The following ARHGAP32 variants were observed in gnomAD, a reference collection of about 807,000 sequenced individuals.
ARHGAP32 encodes rho GTPase-activating protein 32.
In ARHGAP32, 51 loss-of-function variants were observed where a neutral mutation model predicts 186.5. That is an observed-to-expected ratio of 0.27 (90% CI 0.22 to 0.35). The LOEUF (loss-of-function observed/expected upper bound fraction) is 0.35, where lower values mean the gene tolerates loss of function less well. ARHGAP32 is among the 10% of genes least tolerant of loss of function. The probability of loss-of-function intolerance (pLI) is 1.00; values close to 1 mark genes in which losing one functional copy is unlikely to be tolerated. For missense variants in ARHGAP32, 2,186 were observed against 2,623.5 expected (o/e 0.83, Z 3.64); for synonymous variants, 950 against 964.3 (o/e 0.99, Z 0.27).
At chr11:129,038,263 T>C (rs1027268391) in intron 11 of ARHGAP32, among the ~76,000 whole-genome samples, 16 of 151,980 alleles carry the variant, frequency 1.1e-4, no homozygotes, top group African/African-American at 3.6e-4. Flanking sequence ...GCTAGAACAA[T>C]TGGATAACCT....
intron 1 of ARHGAP32, among the ~76,000 whole-genome samples, chr11:129,181,086 C>CT (rs1944044747): frequency 6.6e-6 from 1 of 152,136 alleles, no homozygotes. Context: ...CCAGGAATAT[C>CT]TTTTCTTCAT....
At chr11:129,212,778 T>C (rs1407082687) in intron 1 of ARHGAP32, among the ~76,000 whole-genome samples, 1 of 152,196 alleles carries the variant, frequency 6.6e-6, no homozygotes, top group Non-Finnish European at 1.5e-5. Context: ...AATTTGATCA[T>C]TAAACATTGT....
intron 2 of ARHGAP32, among the ~76,000 whole-genome samples, chr11:129,141,404 T>C (rs1246044308): frequency 2.0e-5 from 3 of 152,010 alleles, no homozygotes; most frequent in African/African-American, 4.8e-5. Context: ...TTCTCACTTA[T>C]AGGTGGGAAT....
intron 2 of ARHGAP32, among the ~76,000 whole-genome samples, chr11:129,157,283 G>GGCTA (rs1943430270): frequency 6.6e-6 from 1 of 151,952 alleles, no homozygotes; most frequent in South Asian, 2.1e-4. Flanking sequence ...AACTCCTCCA[G>GGCTA]GCTAAAGGAG....
chr11:129,055,633 C>G (rs887675627), intron 10 of ARHGAP32, among the ~76,000 whole-genome samples: 1 of 152,112 alleles, frequency 6.6e-6, no homozygotes, highest in African/African-American at 2.4e-5. Flanking sequence ...GAGAAAGACA[C>G]AGAGGAACCT....
At chr11:129,196,297 G>A (rs1944389245), upstream of ARHGAP32, among the ~76,000 whole-genome samples, 1 of 152,056 alleles carries the variant, frequency 6.6e-6, no homozygotes, top group Non-Finnish European at 1.5e-5. Flanking sequence ...TCAACCTCTT[G>A]GTTGAATCAA....
At chr11:129,192,418 C>T (rs764270666), upstream of ARHGAP32, among the ~76,000 whole-genome samples, 71 of 152,150 alleles carry the variant, frequency 4.7e-4, no homozygotes, top group Non-Finnish European at 4.3e-4. Flanking sequence ...TAGACCCTCC[C>T]ACTGCCTTAG....
chr11:129,257,190 G>A (rs1945265281), intron 1 of ARHGAP32, among the ~76,000 whole-genome samples: 1 of 152,072 alleles, frequency 6.6e-6, no homozygotes, highest in South Asian at 2.1e-4. Flanking sequence ...AGACAAGTAG[G>A]AAAAATCTGC....
At chr11:129,005,637 C>T (rs1233857793) in intron 11 of ARHGAP32, among the ~76,000 whole-genome samples, 1 of 152,112 alleles carries the variant, frequency 6.6e-6, no homozygotes, top group African/African-American at 2.4e-5. Context: ...TACTGGAGCT[C>T]CATTGTATGT....
intron 5 of ARHGAP32, among the ~76,000 whole-genome samples, chr11:129,109,133 G>C (rs928070691): frequency 6.6e-6 from 1 of 152,044 alleles, no homozygotes; most frequent in Non-Finnish European, 1.5e-5. Flanking sequence ...GATCCCACAT[G>C]TAAGTGAGAA....
chr11:129,141,369 G>A (rs1037560479), intron 2 of ARHGAP32, among the ~76,000 whole-genome samples: 1 of 152,056 alleles, frequency 6.6e-6, no homozygotes, highest in African/African-American at 2.4e-5. Flanking sequence ...ACTATTGCAA[G>A]GGACAGAAAA....
chr11:128,987,575 CTG>C (rs1945911062), intron 13 of ARHGAP32, among the ~76,000 whole-genome samples: 1 of 152,154 alleles, frequency 6.6e-6, no homozygotes. Context: ...GAGTTTGTCA[CTG>C]TTTTTGTCTC....
chr11:128,969,870 C>T lies in ARHGAP32; in HGVS notation c.5343G>A (p.Gly1781=), dbSNP rs375565239. 2 of 1,614,080 alleles carry T rather than the reference C, an allele frequency of 1.2e-6. No individual in the cohort carries two copies. Among genetic ancestry groups the T allele is most frequent in the Admixed American group, 1.7e-5 (1 of 60,010 alleles). The change falls in exon 23 of 23, where the codon GGG becomes GGA. Residue 1781 remains glycine (G), a synonymous_variant. Coordinates refer to ENST00000682385, the MANE Select transcript of ARHGAP32 (RefSeq NM_001378024.1). The surrounding 1 kb of genome is among the most constrained non-coding windows in gnomAD (Gnocchi z 4.8). Reference sequence around the variant, plus strand: ...TGTTATCATATTGGGACATGACAGGCCCTTTCACCTTCTGCCGAGCACGGC... The same window carrying T: ...TGTTATCATATTGGGACATGACAGGTCCTTTCACCTTCTGCCGAGCACGGC... The part of the protein sequence containing the change: ...RESRARQKVK[G]PVMSQYDNMT...
chr11:129,225,220 A>G (rs1278676579), intron 1 of ARHGAP32, among the ~76,000 whole-genome samples: 1 of 152,218 alleles, frequency 6.6e-6, no homozygotes, highest in African/African-American at 2.4e-5. Flanking sequence ...GAAAAAACTG[A>G]GAAGTAAGAT....
chr11:129,042,449 C>A (rs903533304), intron 10 of ARHGAP32, among the ~76,000 whole-genome samples: 4 of 152,176 alleles, frequency 2.6e-5, no homozygotes, highest in Non-Finnish European at 5.9e-5. Flanking sequence ...TGGTGAAATT[C>A]TTTAATATAT....
In ARHGAP32 at chr11:128,980,563, G is replaced by C; in HGVS notation, c.1966C>G (p.Pro656Ala). The C allele has an allele frequency of 6.2e-7, 1 of 1,604,390 alleles. No individual in the cohort carries two copies. The highest frequency in any genetic ancestry group is 2.2e-5 in the East Asian group (1 of 44,550). ...TTTAACAAATTTTACCTTTCAAGTG[G>C]GAACTCAATTATGGTATGAAATTTC... The part of the protein sequence containing the change: ...QGKFHTIIEF[P>A]LERKRPQNKM... The change falls in exon 18 of 23, where the codon CCA becomes GCA. Residue 656 changes from proline to alanine, a missense_variant. Physicochemically the swap from Pro to Ala is conservative, Grantham distance 27. This residue lies in a region of ARHGAP32 where 263 missense variants were observed against 323.5 expected (regional missense o/e 0.81). Coordinates refer to ENST00000682385, the MANE Select transcript of ARHGAP32 (RefSeq NM_001378024.1).
At chr11:129,263,249 A>G (rs528099220) in intron 1 of ARHGAP32, among the ~76,000 whole-genome samples, 2 of 152,316 alleles carry the variant, frequency 1.3e-5, no homozygotes, top group Admixed American at 6.5e-5. Context: ...CATTAATATT[A>G]AAATGTTTGT....
At chr11:129,013,036 C>T (rs1040763522) in intron 11 of ARHGAP32, among the ~76,000 whole-genome samples, 1 of 152,214 alleles carries the variant, frequency 6.6e-6, no homozygotes. Context: ...GACTCTGCTT[C>T]TTGGTTTGGC....
In ARHGAP32 at chr11:128,970,046, G is replaced by A. The variant is rs913049191; in HGVS notation, c.5167C>T (p.Pro1723Ser). 2.5e-6 allele frequency: 4 copies of A among 1,614,072 alleles called. No individual in the cohort carries two copies. Among genetic ancestry groups the A allele is most frequent in the Admixed American group, 1.7e-5 (1 of 60,012 alleles). The part of the protein sequence containing the change: ...KSLYSYAGLA[P>S]RPRANVTGYF... ...CCAGTCACGTTGGCCCGGGGACGTG[G>A]AGCCAAACCAGCATAACTGTACAAG... is the stretch of plus-strand genomic sequence containing the variant. Residue 1723 changes from proline (P) to serine (S), a missense_variant, in exon 23 of 23, where the codon CCA (proline) becomes TCA (serine). Pro to Ser is a moderately conservative substitution (Grantham distance 74). Transcript: ENST00000682385. The surrounding 1 kb of genome is among the most constrained non-coding windows in gnomAD (Gnocchi z 5.8).
Sources: gnomAD v4.1 joint callset for allele counts (sites outside exome capture counted in the v4.1 genomes callset) on GRCh38, gnomAD v4.1.1 for gene constraint, gnomAD v4.1.1 regional missense constraint, Gnocchi (gnomAD v3.1) non-coding constraint, MANE v1.5 for transcripts, NCBI Gene and HGNC (gene_info 2026-07-23, HGNC 2026-07-21) for gene names.